ADAMTS16: variants seen among roughly 807,000 people sequenced by gnomAD.
The protein encoded by ADAMTS16 is ADAM metallopeptidase with thrombospondin type 1 motif 16.
In ADAMTS16, 94 loss-of-function variants were observed where a neutral mutation model predicts 145.8. The ratio of observed to expected loss-of-function variants is 0.64; its 90% CI spans 0.55 to 0.77. The LOEUF (loss-of-function observed/expected upper bound fraction) is 0.77. Ranked by LOEUF, ADAMTS16 falls within the 30% of genes least tolerant of loss-of-function variation. ADAMTS16 has a pLI of 0.00. For missense variants in ADAMTS16, 1,585 were observed against 1,591.5 expected (o/e 1.00, Z 0.07); for synonymous variants, 659 against 604.3 (o/e 1.09, Z -1.33).
rs146809492 is a variant in ADAMTS16 at position 5,167,829 on chromosome 5, T to A, written c.502-14215T>A. ...CCCGCCACATGTGGCAATTGAGGAG[T>A]TGAAGGCCTAAACGTTAAATTTTAT... On this transcript the variant is annotated intron_variant, in intron 3 of 22. Transcript: ENST00000274181. Among the ~76,000 whole-genome samples the A allele has an allele frequency of 3.8e-3, 579 of 152,282 alleles. 1 individual carries two copies. The highest frequency in any genetic ancestry group is 9.4e-3 in the Admixed American group (144 of 15,288).
intron 7 of ADAMTS16, 142 bp from the exon 8 acceptor site, chr5:5,191,543 A>T: frequency 1.5e-6 from 1 of 646,544 alleles, no homozygotes; most frequent in African/African-American, 1.9e-5. Context: ...TCCCCTTTAT[A>T]CGGTTGTCTA....
chr5:5,224,018 G>A (rs186274119), intron 11 of ADAMTS16, among the ~76,000 whole-genome samples: 2 of 151,900 alleles, frequency 1.3e-5, no homozygotes, highest in Non-Finnish European at 2.9e-5. Flanking sequence ...AGACAGAAAG[G>A]TTTTAAAATG....
chr5:5,151,812 TG>T (rs1243494930), intron 3 of ADAMTS16, among the ~76,000 whole-genome samples: 2 of 151,968 alleles, frequency 1.3e-5, no homozygotes, highest in Non-Finnish European at 2.9e-5. Context: ...ATAGTCTTCC[TG>T]CTGTACATTA....
At chr5:5,258,165 CA>C (rs1472003550) in intron 17 of ADAMTS16, among the ~76,000 whole-genome samples, 11 of 152,192 alleles carry the variant, frequency 7.2e-5, no homozygotes, top group Non-Finnish European at 1.5e-4. Context: ...TTGATTGAAT[CA>C]TCCGCCGTTA....
intron 18 of ADAMTS16, among the ~76,000 whole-genome samples, chr5:5,299,925 A>AT (rs758334394): frequency 3.9e-5 from 6 of 152,198 alleles, no homozygotes; most frequent in Non-Finnish European, 8.8e-5. Context: ...GCTTGCGTGG[A>AT]TTTTGACTCA....
intron 9 of ADAMTS16, among the ~76,000 whole-genome samples, chr5:5,208,411 A>T (rs1736186625): frequency 6.6e-6 from 1 of 152,262 alleles, no homozygotes; most frequent in African/African-American, 2.4e-5. Flanking sequence ...CACTTTCCCA[A>T]ATGCATAAAT....
intron 9 of ADAMTS16, among the ~76,000 whole-genome samples, chr5:5,206,438 A>AG (rs985051160): frequency 6.7e-6 from 1 of 148,788 alleles, no homozygotes; most frequent in African/African-American, 2.5e-5. Flanking sequence ...AAAAAAAAAA[A>AG]AAAAAAAAAG....
rs187170086 is a variant in ADAMTS16 at position 5,219,993 on chromosome 5, A to T, written c.1606-2796A>T. ...GGCTTTTTATGATCACGATTTCCTG[A>T]TTCTTGCTAATGTTATTGTACGTAA... On this transcript the variant is annotated intron_variant, in intron 10 of 22. Transcript: ENST00000274181. 4.6e-5 allele frequency among the ~76,000 whole-genome samples: 7 copies of T among 152,094 alleles called. No homozygotes were observed. In the East Asian group the frequency reaches 1.3e-3, roughly 29 times the overall value.
chr5:5,257,312 A>G (rs775857404), intron 17 of ADAMTS16, among the ~76,000 whole-genome samples: 1 of 152,226 alleles, frequency 6.6e-6, no homozygotes, highest in African/African-American at 2.4e-5. Flanking sequence ...CAGTGGCTCA[A>G]AAACTACTTA....
rs1193221750 is a variant in ADAMTS16 at position 5,237,025 on chromosome 5, T to C, written c.2080T>C (p.Leu694=). The change falls in exon 14 of 23, where the codon TTG becomes CTG. Residue 694 remains leucine, a synonymous_variant. Coordinates refer to ENST00000274181, the MANE Select transcript of ADAMTS16 (RefSeq NM_139056.4). The part of the protein sequence containing the change: ...IAEGFDFFFS[L]SNKVKDGTPC... The stretch of plus-strand genomic sequence containing the variant: ...AGAAGGATTTGATTTCTTCTTTTCT[T>C]TGTCAAATAAAGTCAAAGATGGGAC... The C allele has an allele frequency of 5.0e-6, 8 of 1,613,994 alleles. No homozygotes were observed. Among genetic ancestry groups the C allele is most frequent in the Middle Eastern group, 1.6e-4 (1 of 6,084 alleles).
intron 3 of ADAMTS16, among the ~76,000 whole-genome samples, chr5:5,149,324 A>G (rs1734389595): frequency 6.6e-6 from 1 of 150,454 alleles, no homozygotes. Flanking sequence ...ACACAAGCAC[A>G]TAAATGTGTG....
At chr5:5,276,481 G>A (rs1177437470) in intron 18 of ADAMTS16, among the ~76,000 whole-genome samples, 1 of 152,232 alleles carries the variant, frequency 6.6e-6, no homozygotes, top group East Asian at 1.9e-4. Context: ...TTAAAACTCT[G>A]AGGAATAAGG....
chr5:5,301,303 C>T (rs1482776239), intron 18 of ADAMTS16, among the ~76,000 whole-genome samples: 1 of 152,172 alleles, frequency 6.6e-6, no homozygotes, highest in African/African-American at 2.4e-5. Flanking sequence ...GCTTAAGCAT[C>T]CTCCTTCTAG....
intron 17 of ADAMTS16, among the ~76,000 whole-genome samples, chr5:5,248,356 A>G (rs1309921164): frequency 6.6e-6 from 1 of 152,216 alleles, no homozygotes; most frequent in Non-Finnish European, 1.5e-5. Context: ...TTCTGAAAAA[A>G]GATGAAAGCA....
intron 14 of ADAMTS16, among the ~76,000 whole-genome samples, chr5:5,238,502 A>ATACCTTTC (rs1168542001): frequency 2.0e-5 from 3 of 152,214 alleles, no homozygotes; most frequent in Non-Finnish European, 4.4e-5. Context: ...TATTACCTTT[A>ATACCTTTC]TAAAATTAAA....
At chr5:5,316,972 C>A (rs1259449866) in intron 21 of ADAMTS16, among the ~76,000 whole-genome samples, 2 of 152,222 alleles carry the variant, frequency 1.3e-5, no homozygotes, top group Non-Finnish European at 2.9e-5. Context: ...GACTTCCAGA[C>A]ACTTCTCCTT....
intron 11 of ADAMTS16, among the ~76,000 whole-genome samples, chr5:5,229,266 C>G (rs557171439): frequency 8.3e-4 from 120 of 144,420 alleles, no homozygotes; most frequent in East Asian, 5.8e-3. Context: ...CCACTGCAGT[C>G]CGCAGTCCGG....
At chr5:5,309,949 A>G (rs7732927) in intron 21 of ADAMTS16, among the ~76,000 whole-genome samples, 152,123 of 152,126 alleles carry the variant, frequency 1, 76,060 homozygotes, top group East Asian at 1. Flanking sequence ...TTCACATCCC[A>G]GTCAGGTGGC....
chr5:5,290,346 C>A (rs577635956), intron 18 of ADAMTS16, among the ~76,000 whole-genome samples: 1 of 152,148 alleles, frequency 6.6e-6, no homozygotes, highest in Non-Finnish European at 1.5e-5. Context: ...CACTTCTCCC[C>A]TGGGAATGTT....
Sources: gnomAD v4.1 joint callset for allele counts (sites outside exome capture counted in the v4.1 genomes callset) on GRCh38, gnomAD v4.1.1 for gene constraint, MANE v1.5 for transcripts, NCBI Gene and HGNC (gene_info 2026-07-23, HGNC 2026-07-21) for gene names.